The following MILR1 variants were observed in gnomAD, a reference collection of about 807,000 sequenced individuals.
MILR1 encodes allergin-1.
A neutral mutation model predicts 18.5 loss-of-function variants in MILR1; 31 were observed. The observed-to-expected ratio is 1.68, with a 90% CI of 1.26 to 2.26. The LOEUF (loss-of-function observed/expected upper bound fraction) is 2.26, where lower values mean the gene tolerates loss of function less well. Ranked by LOEUF, MILR1 falls within the 30% of genes most tolerant of loss-of-function variation. The probability of loss-of-function intolerance (pLI) is 0.00; values close to 1 mark genes in which losing one functional copy is unlikely to be tolerated. For synonymous variants in MILR1, 85 were observed against 56.2 expected, an observed-to-expected ratio of 1.51 and a Z score of -2.30; for missense variants, 257 against 157.4, an observed-to-expected ratio of 1.63 and a Z score of -3.38.
intron 9 of MILR1, 182 bp downstream of exon 9, chr17:64,467,827 C>T (rs909334904): frequency 1.5e-5 from 6 of 390,616 alleles, no homozygotes; most frequent in Admixed American, 4.4e-5. Context: ...CCCAGCTACT[C>T]GGGAGGCTGA....
chr17:64,477,739 T>C, the MILR1 span: 9 of 1,386,362 alleles, frequency 6.5e-6, no homozygotes, highest in Non-Finnish European at 8.6e-6. Flanking sequence ...ACTTTATAAG[T>C]GCAAAGGGGC....
intron 7 of MILR1, 35 bp from the exon 8 acceptor site, chr17:64,466,559 G>T: frequency 6.2e-7 from 1 of 1,610,924 alleles, no homozygotes; most frequent in African/African-American, 1.3e-5. Context: ...TCACATAATT[G>T]GCCCAATAAT....
the MILR1 span, chr17:64,493,044 T>C: frequency 3.1e-6 from 5 of 1,613,518 alleles, no homozygotes; most frequent in Non-Finnish European, 4.2e-6. Context: ...AAATCAATCA[T>C]TGTATACATC....
intron 6 of MILR1, 94 bp from the exon 7 acceptor site, chr17:64,466,348 A>C: frequency 9.8e-7 from 1 of 1,018,978 alleles, no homozygotes; most frequent in Non-Finnish European, 1.5e-6. Flanking sequence ...CCCAGCCTAC[A>C]TGGCCACATT....
the MILR1 span, chr17:64,484,293 G>A: frequency 6.6e-6 from 1 of 152,272 alleles, no homozygotes; most frequent in African/African-American, 2.4e-5. Flanking sequence ...TCGAAAGAAG[G>A]TGGGGGGACG....
At chr17:64,486,552 C>T in the MILR1 span, among the ~76,000 whole-genome samples, 1 of 151,968 alleles carries the variant, frequency 6.6e-6, no homozygotes, top group East Asian at 1.9e-4. Context: ...TTAGTAGGGA[C>T]GGGGTTTCAC....
the MILR1 span, chr17:64,496,549 G>C: frequency 6.2e-7 from 1 of 1,613,850 alleles, no homozygotes; most frequent in South Asian, 1.1e-5. Flanking sequence ...CACTGTCCCC[G>C]GGTAGCAAAG....
the MILR1 span, chr17:64,482,914 C>T: frequency 6.8e-7 from 1 of 1,471,630 alleles, no homozygotes; most frequent in Non-Finnish European, 9.5e-7. Flanking sequence ...ACTCATTTAA[C>T]TCACCTGTCT....
At chr17:64,453,993 G>A (rs1167475162) in intron 3 of MILR1, among the ~76,000 whole-genome samples, 13 of 149,340 alleles carry the variant, frequency 8.7e-5, no homozygotes, top group East Asian at 4.0e-4. Flanking sequence ...GCAGTGGTGC[G>A]ATCTCAGCTC....
the MILR1 span, chr17:64,490,829 T>TA: frequency 6.2e-7 from 1 of 1,613,648 alleles, no homozygotes. Flanking sequence ...GATACATGTG[T>TA]AAAAGTTCGT....
Position 64,465,515 on chromosome 17 carries a change from A to C in MILR1, c.827A>C (p.Tyr276Ser). 1 of 1,610,200 alleles carries C rather than the reference A, an allele frequency of 6.2e-7. No homozygotes were observed. The highest frequency in any genetic ancestry group is 8.5e-7 in the Non-Finnish European group (1 of 1,178,392). The stretch of plus-strand genomic sequence containing the variant: ...GACACAGCCATGGAAGTTGGAATCT[A>C]TGCAAATATCCTTGAAAAACAAGCA... ...RGDTAMEVGI[Y>S]ANILEKQAKE... is the part of the protein sequence containing the mutation. The change falls in exon 6 of 10, where the codon TAT becomes TCT. Residue 276 changes from tyrosine (Y) to serine (S), a missense_variant. By Grantham distance (144) the Tyr-to-Ser change is moderately radical. Transcript: ENST00000619286.
the MILR1 span, chr17:64,483,896 G>C: frequency 6.6e-6 from 1 of 152,058 alleles, no homozygotes; most frequent in Non-Finnish European, 1.5e-5. Flanking sequence ...TTTTTTTGTA[G>C]AGATGAAGTT....
At chr17:64,495,278 T>C in the MILR1 span, among the ~76,000 whole-genome samples, 1 of 148,598 alleles carries the variant, frequency 6.7e-6, no homozygotes, top group Non-Finnish European at 1.5e-5. Flanking sequence ...AGTTAGGAAA[T>C]ATATTTTTAA....
downstream of MILR1, among the ~76,000 whole-genome samples, chr17:64,472,881 A>G (rs1039973975): frequency 6.6e-6 from 1 of 152,234 alleles, no homozygotes; most frequent in Non-Finnish European, 1.5e-5. Context: ...GAGCTTTTAC[A>G]AATCATTAAG....
At chr17:64,455,578 C>T (rs904631152) in intron 3 of MILR1, among the ~76,000 whole-genome samples, 6 of 151,394 alleles carry the variant, frequency 4.0e-5, no homozygotes, top group East Asian at 3.9e-4. Flanking sequence ...CTCAGCCTCC[C>T]GAGTAGGTGG....
chr17:64,480,303 T>C, the MILR1 span: 7 of 1,547,988 alleles, frequency 4.5e-6, no homozygotes, highest in Non-Finnish European at 6.2e-6. Context: ...AATAAAGTTG[T>C]TCCAATGAGG....
In MILR1 at chr17:64,459,421, C is replaced by A. The variant is rs924166761; in HGVS notation, c.653-1401C>A. Among the ~76,000 whole-genome samples, 463 of 151,500 alleles carry A rather than the reference C, an allele frequency of 3.1e-3. 6 individuals carry two copies. Among genetic ancestry groups the A allele is most frequent in the Middle Eastern group, 3.4e-3 (1 of 294 alleles). The stretch of plus-strand genomic sequence containing the variant: ...CTGCATTCCAGCCTGCGTAACAGAG[C>A]GAGACCCTGTCTCAAAGAAAAAAGA... On this transcript the variant is annotated intron_variant, in intron 4 of 9. Coordinates refer to ENST00000619286, the MANE Select transcript of MILR1 (RefSeq NM_001085423.2).
chr17:64,492,360 A>G, the MILR1 span, among the ~76,000 whole-genome samples: 42,353 of 152,156 alleles, frequency 0.28, 11,392 homozygotes, highest in African/African-American at 0.7. Context: ...AGGTAGCAAA[A>G]GCTGAAGCTG....
the MILR1 span, among the ~76,000 whole-genome samples, chr17:64,495,267 A>G: frequency 6.6e-6 from 1 of 151,140 alleles, no homozygotes; most frequent in Admixed American, 6.6e-5. Context: ...TAAACGAAGA[A>G]AGTTAGGAAA....
Sources: gnomAD v4.1 joint callset for allele counts (sites outside exome capture counted in the v4.1 genomes callset) on GRCh38, gnomAD v4.1.1 for gene constraint, MANE v1.5 for transcripts, NCBI Gene and HGNC (gene_info 2026-07-23, HGNC 2026-07-21) for gene names.